UBE2D3: variants seen among roughly 807,000 people sequenced by gnomAD.
UBE2D3 encodes ubiquitin conjugating enzyme E2 D3, also known as ubiquitin-conjugating enzyme E2 D3.
In UBE2D3, 2 loss-of-function variants were observed where a neutral mutation model predicts 22.8. That is an observed-to-expected ratio of 0.09 (90% CI 0.04 to 0.28). The LOEUF is 0.28. Among genes scored for constraint, UBE2D3 ranks in the 10% least tolerant of loss-of-function variants. UBE2D3 has a pLI of 1.00. For synonymous variants in UBE2D3, 56 were observed against 60.4 expected (o/e 0.93, Z 0.34); for missense variants, 27 against 182.5 (o/e 0.15, Z 4.91).
At chr4:102,844,624 T>C (rs1731942875) in intron 1 of UBE2D3, among the ~76,000 whole-genome samples, 2 of 152,328 alleles carry the variant, frequency 1.3e-5, no homozygotes, top group East Asian at 3.9e-4. Context: ...CAGGCCAAGA[T>C]TCCATCACTT....
At position 102,827,469 on chromosome 4, in the gene UBE2D3, C is replaced by T; in HGVS notation, c.-171G>A. On this transcript the variant is annotated 5_prime_UTR_variant, in exon 1 of 8. Coordinates refer to ENST00000453744, the MANE Select transcript of UBE2D3 (RefSeq NM_181891.3). ...CCTCAAGCTGCGGCCTCGGCCTCCT[C>T]CCCGCGCGGCAGCTGGTGCCTCCCC... The T allele has an allele frequency of 1.0e-6, 1 of 986,222 alleles. No individual in the cohort carries two copies. The highest frequency in any genetic ancestry group is 1.2e-6 in the Non-Finnish European group (1 of 830,184). The allele number at this position is 986,222 out of a possible 1,614,324, so 61.1% of individuals were successfully genotyped here.
chr4:102,868,359 C>T (rs565055777), intron 1 of UBE2D3, among the ~76,000 whole-genome samples: 19 of 152,150 alleles, frequency 1.2e-4, no homozygotes, highest in African/African-American at 4.6e-4. Context: ...TGAGCCACCG[C>T]GCCCGGCCAG....
chr4:102,806,636 C>T (rs2110271500), intron 4 of UBE2D3, among the ~76,000 whole-genome samples: 1 of 152,272 alleles, frequency 6.6e-6, no homozygotes, highest in South Asian at 2.1e-4. Context: ...GATACTTTCA[C>T]ATTTTTCACA....
intron 1 of UBE2D3, among the ~76,000 whole-genome samples, chr4:102,849,817 A>C (rs779857549): frequency 2.4e-4 from 37 of 152,308 alleles, no homozygotes; most frequent in Non-Finnish European, 5.4e-4. Flanking sequence ...ACTTTGTCAC[A>C]CTGTTGTGGA....
chr4:102,825,266 C>A (rs1730276488), intron 2 of UBE2D3: 2 of 986,342 alleles, frequency 2.0e-6, no homozygotes, highest in Non-Finnish European at 1.2e-6. Context: ...TCTAGTAAGG[C>A]TGAATTTATT....
intron 1 of UBE2D3, among the ~76,000 whole-genome samples, chr4:102,844,988 C>G (rs1251635534): frequency 1.4e-5 from 2 of 147,896 alleles, no homozygotes; most frequent in Non-Finnish European, 3.0e-5. Context: ...CGCCACTGCA[C>G]TCCAGCCTGG....
chr4:102,800,630 T>C (rs760813882), intron 6 of UBE2D3, among the ~76,000 whole-genome samples: 2 of 152,092 alleles, frequency 1.3e-5, no homozygotes, highest in Non-Finnish European at 2.9e-5. Context: ...ACTCGAATTA[T>C]GGCAGCATCT....
intron 1 of UBE2D3, 177 bp downstream of exon 1, chr4:102,827,250 C>T: frequency 1.0e-6 from 1 of 964,738 alleles, no homozygotes; most frequent in Non-Finnish European, 1.2e-6. Flanking sequence ...AGGACGCGCC[C>T]ATTCCCCCTC....
chr4:102,832,044 T>A (rs975362511), upstream of UBE2D3, among the ~76,000 whole-genome samples: 1 of 152,114 alleles, frequency 6.6e-6, no homozygotes, highest in Non-Finnish European at 1.5e-5. Flanking sequence ...TCAGACAACA[T>A]CATAGAGTGG....
At chr4:102,864,473 C>G (rs1348818167) in intron 1 of UBE2D3, among the ~76,000 whole-genome samples, 3 of 111,332 alleles carry the variant, frequency 2.7e-5, no homozygotes, top group Admixed American at 1.8e-4. Flanking sequence ...TTGTGGTCAC[C>G]AGTAAAATTG....
upstream of UBE2D3, among the ~76,000 whole-genome samples, chr4:102,829,235 T>C (rs1730971826): frequency 6.6e-6 from 1 of 152,166 alleles, no homozygotes; most frequent in South Asian, 2.1e-4. Context: ...ATACAGATTT[T>C]TCTCGTCTGA....
At chr4:102,842,633 A>C (rs1731819268) in intron 1 of UBE2D3, among the ~76,000 whole-genome samples, 1 of 152,194 alleles carries the variant, frequency 6.6e-6, no homozygotes, top group African/African-American at 2.4e-5. Flanking sequence ...GAACAATTAA[A>C]AAAGCTAGAC....
chr4:102,827,938 C>T (rs1161994687), upstream of UBE2D3: 3 of 985,472 alleles, frequency 3.0e-6, no homozygotes, highest in African/African-American at 1.7e-5. Flanking sequence ...CCCCCAGTTT[C>T]CTCACTTGGT....
intron 1 of UBE2D3, among the ~76,000 whole-genome samples, chr4:102,845,847 G>A (rs1732015060): frequency 6.6e-6 from 1 of 152,144 alleles, no homozygotes; most frequent in African/African-American, 2.4e-5. Context: ...GCTGAGTGCA[G>A]TGGTGTGATC....
chr4:102,799,028 T>C (rs1725701384), intron 7 of UBE2D3: 1 of 1,524,874 alleles, frequency 6.6e-7, no homozygotes. Flanking sequence ...AAAGTTATAA[T>C]GGTTAAGTTG....
rs185761753 is a variant in UBE2D3 at position 102,840,948 on chromosome 4, C to T, written c.-128-14312G>A. Among the ~76,000 whole-genome samples, 108 of 151,656 alleles carry T rather than the reference C, an allele frequency of 7.1e-4. 2 individuals are homozygous for T. Among genetic ancestry groups the T allele is most frequent in the African/African-American group, 2.5e-3 (105 of 41,310 alleles). On this transcript the variant is annotated intron_variant, in intron 1 of 7. Coordinates refer to the UBE2D3 transcript ENST00000338145. ...AGGAGAATCGCTTGAACCCAGGAGGCAGAGGTTGCTGCAGTGAGCTGAGAT... is the reference window on the plus strand; with the variant it reads ...AGGAGAATCGCTTGAACCCAGGAGGTAGAGGTTGCTGCAGTGAGCTGAGAT...
intron 1 of UBE2D3, chr4:102,826,990 G>A (rs1730625472): frequency 2.0e-6 from 2 of 997,756 alleles, no homozygotes; most frequent in Non-Finnish European, 2.4e-6. Context: ...GGCAAGGGGG[G>A]AGGGGGAAGC....
intron 2 of UBE2D3, among the ~76,000 whole-genome samples, chr4:102,820,790 G>T (rs1215241764): frequency 3.3e-5 from 5 of 152,076 alleles, no homozygotes; most frequent in Admixed American, 2.0e-4. Flanking sequence ...CCCAGTAGTA[G>T]AAAACATTCA....
Position 102,826,476 on chromosome 4 carries a change from G to T in UBE2D3, c.24+9C>A. On this transcript the variant is annotated intron_variant, in intron 2 of 7. Transcript: ENST00000453744. Reference sequence around the variant, plus strand: ...CCTACCACCCCATGCCCTTGTCCCCGCGGGTTACCTTATTAATCCGTTTCA... The same window carrying T: ...CCTACCACCCCATGCCCTTGTCCCCTCGGGTTACCTTATTAATCCGTTTCA... 6.2e-7 allele frequency: 1 copy of T among 1,613,236 alleles called. No individual in the cohort carries two copies. The highest frequency in any genetic ancestry group is 1.1e-5 in the South Asian group (1 of 91,040).
Sources: gnomAD v4.1 joint callset for allele counts (sites outside exome capture counted in the v4.1 genomes callset) on GRCh38, gnomAD v4.1.1 for gene constraint, MANE v1.5 for transcripts, NCBI Gene and HGNC (gene_info 2026-07-23, HGNC 2026-07-21) for gene names.